PHIP: variants seen among roughly 807,000 people sequenced by gnomAD.
PHIP encodes PH-interacting protein.
In PHIP, 54 loss-of-function variants were observed where a neutral mutation model predicts 236.8. The ratio of observed to expected loss-of-function variants is 0.23; its 90% CI spans 0.18 to 0.29. PHIP has a LOEUF of 0.29. Among genes scored for constraint, PHIP ranks in the 10% least tolerant of loss-of-function variants. The probability of loss-of-function intolerance (pLI) is 1.00; values close to 1 mark genes in which losing one functional copy is unlikely to be tolerated. For synonymous variants in PHIP, 756 were observed against 718.9 expected (o/e 1.05, Z -0.83); for missense variants, 1,370 against 2,190.8 (o/e 0.63, Z 7.48).
At chr6:78,952,287 C>T (rs1212811541) in intron 35 of PHIP, among the ~76,000 whole-genome samples, 1 of 151,862 alleles carries the variant, frequency 6.6e-6, no homozygotes, top group Non-Finnish European at 1.5e-5. Flanking sequence ...GGCGTGGTGG[C>T]ATGCGCCTAT....
chr6:79,018,786 A>C (rs1770966458), intron 10 of PHIP, among the ~76,000 whole-genome samples: 1 of 152,018 alleles, frequency 6.6e-6, no homozygotes, highest in South Asian at 2.1e-4. Flanking sequence ...CTTACAATGA[A>C]ACAACTATTT....
At chr6:78,980,480 G>A (rs1251910576) in intron 23 of PHIP, among the ~76,000 whole-genome samples, 1 of 151,906 alleles carries the variant, frequency 6.6e-6, no homozygotes, top group Non-Finnish European at 1.5e-5. Flanking sequence ...AGAAAAAGAG[G>A]AATCAAAGAT....
Position 78,977,520 on chromosome 6 carries a change from T to TA in PHIP, c.2889+1071dup, listed in dbSNP as rs1251280298. ...TACACATGTACCCTAAAACTTAAAT[T>TA]AAAAAAATACCATTATTGCTCCAGT... On this transcript the variant is annotated intron_variant, in intron 24 of 39. Transcript: ENST00000275034. Among the ~76,000 whole-genome samples the TA allele has an allele frequency of 7.2e-5, 11 of 152,034 alleles. No homozygotes were observed. The South Asian group carries it at 1.2e-3, about 17-fold the overall frequency.
At chr6:79,034,190 C>A (rs1771814203) in intron 7 of PHIP, among the ~76,000 whole-genome samples, 1 of 152,128 alleles carries the variant, frequency 6.6e-6, no homozygotes, top group African/African-American at 2.4e-5. Flanking sequence ...TTGCTTTACT[C>A]AGGGTTTTCA....
At chr6:78,961,899 C>A in intron 30 of PHIP, 89 bp from the exon 31 acceptor site, 1 of 990,492 alleles carries the variant, frequency 1.0e-6, no homozygotes, top group Non-Finnish European at 1.5e-6. Flanking sequence ...CTTAAAAAGT[C>A]CTAATCTACA....
Position 79,008,402 on chromosome 6 carries a change from C to T in PHIP, c.1525-4544G>A, listed in dbSNP as rs558410270. ...TATAAAAGTGATTCTGAAAAATCAG[C>T]TCTAGATTTTCATCAAAAGAAAAAT... On this transcript the variant is annotated intron_variant, in intron 15 of 39. Coordinates refer to ENST00000275034, the MANE Select transcript of PHIP (RefSeq NM_017934.7). Among the ~76,000 whole-genome samples the T allele has an allele frequency of 9.2e-5, 14 of 151,894 alleles. No homozygotes were observed. In the South Asian group the frequency reaches 2.7e-3, roughly 29 times the overall value.
chr6:78,965,689 T>TAAC lies in PHIP; in HGVS notation c.3379+11_3379+13dup. 6.9e-7 allele frequency: 1 copy of TAAC among 1,452,378 alleles called. No individual in the cohort carries two copies. The highest frequency in any genetic ancestry group is 9.6e-7 in the Non-Finnish European group (1 of 1,046,082). 90.0% of individuals were successfully genotyped at this position (1,452,378 alleles called of 1,614,324 possible). ...CTCCATAATGGAGAAACAAAAAGCCTAACACACACTTACCATTATTAGGTA... is the reference window on the plus strand; with the variant it reads ...CTCCATAATGGAGAAACAAAAAGCCTAACAACACACACTTACCATTATTAGGTA... On this transcript the variant is annotated intron_variant, in intron 29 of 39. Coordinates refer to ENST00000275034, the MANE Select transcript of PHIP (RefSeq NM_017934.7).
In PHIP at chr6:78,937,964, GT is replaced by G. The variant is rs1228394825; in HGVS notation, c.*2728del. ...TCTGAACTTTCAGTAAATTGGAGAT[GT>G]TTTTATTGCTTACCTAAGACAACTG... On this transcript the variant is annotated 3_prime_UTR_variant, in exon 40 of 40. Transcript: ENST00000275034. 6.6e-6 allele frequency: 1 copy of G among 151,554 alleles called. No homozygotes were observed. Among genetic ancestry groups the G allele is most frequent in the Non-Finnish European group, 1.5e-5 (1 of 67,594 alleles). 9.4% of individuals were successfully genotyped at this position (151,554 alleles called of 1,614,324 possible).
intron 4 of PHIP, among the ~76,000 whole-genome samples, chr6:79,063,448 C>G (rs1007594513): frequency 1.3e-5 from 2 of 152,084 alleles, no homozygotes; most frequent in Non-Finnish European, 1.5e-5. Flanking sequence ...ACGGAGTCTC[C>G]CTCTGTCACC....
At chr6:78,998,160 T>G (rs1170105583) in intron 18 of PHIP, 94 bp downstream of exon 18, 2 of 858,482 alleles carry the variant, frequency 2.3e-6, no homozygotes, top group African/African-American at 1.7e-5. Flanking sequence ...ATTTTACGGA[T>G]GTACCATAAT....
intron 15 of PHIP, among the ~76,000 whole-genome samples, chr6:79,004,713 C>A (rs549660169): frequency 6.6e-5 from 10 of 152,140 alleles, no homozygotes; most frequent in Admixed American, 4.6e-4. Context: ...GTAAGAAATA[C>A]CTCCTTTCTG....
At chr6:79,037,055 A>C (rs1771975723) in intron 7 of PHIP, among the ~76,000 whole-genome samples, 1 of 152,144 alleles carries the variant, frequency 6.6e-6, no homozygotes. Flanking sequence ...TGATAACACT[A>C]CCAATAACAA....
intron 7 of PHIP, among the ~76,000 whole-genome samples, chr6:79,027,048 C>T (rs1771441352): frequency 6.6e-6 from 1 of 152,026 alleles, no homozygotes; most frequent in African/African-American, 2.4e-5. Flanking sequence ...TGTTAGAATG[C>T]TTAACGACCT....
chr6:79,054,345 A>AG (rs1772961343), intron 6 of PHIP, among the ~76,000 whole-genome samples: 1 of 151,118 alleles, frequency 6.6e-6, no homozygotes, highest in South Asian at 2.1e-4. Flanking sequence ...ATTAAACCAA[A>AG]AAAAAAAAAG....
At chr6:79,054,754 T>C (rs916543660) in intron 6 of PHIP, among the ~76,000 whole-genome samples, 2 of 151,554 alleles carry the variant, frequency 1.3e-5, no homozygotes, top group Non-Finnish European at 2.9e-5. Flanking sequence ...ATTGAATAAA[T>C]TTAAGAAATT....
At chr6:79,020,743 G>A (rs1771078386) in intron 9 of PHIP, among the ~76,000 whole-genome samples, 1 of 152,180 alleles carries the variant, frequency 6.6e-6, no homozygotes, top group South Asian at 2.1e-4. Context: ...AGATTTGTGG[G>A]TTTTTTGGTT....
rs1227573658 is a variant in PHIP, at chr6:78,998,280, A to G, written c.1991T>C (p.Ile664Thr). ...TCTACTTAAACGGCTGGTATTACTGATAACTGCTTCACCAGAACGTCTCAG... is the reference window on the plus strand; with the variant it reads ...TCTACTTAAACGGCTGGTATTACTGGTAACTGCTTCACCAGAACGTCTCAG... ...QDLRRSGEAVISNTSRLSRGS... is the reference protein window; with the variant it reads ...QDLRRSGEAVTSNTSRLSRGS... Residue 664 changes from isoleucine (I) to threonine (T), a missense_variant, in exon 18 of 40, where the codon ATC becomes ACC. Transcript: ENST00000275034. The G allele has an allele frequency of 6.2e-7, 1 of 1,611,522 alleles. No individual in the cohort carries two copies. Among genetic ancestry groups the G allele is most frequent in the East Asian group, 2.2e-5 (1 of 44,830 alleles).
chr6:79,021,376 G>A (rs1385965920), intron 9 of PHIP, among the ~76,000 whole-genome samples: 2 of 152,154 alleles, frequency 1.3e-5, no homozygotes, highest in Non-Finnish European at 2.9e-5. Context: ...TCAAACTCCT[G>A]ACCTCAGGTC....
At chr6:78,986,852 A>G (rs1768898625) in intron 21 of PHIP, among the ~76,000 whole-genome samples, 1 of 152,222 alleles carries the variant, frequency 6.6e-6, no homozygotes, top group African/African-American at 2.4e-5. Flanking sequence ...TTTTATTAAC[A>G]AATTTAATCA....
Sources: gnomAD v4.1 joint callset for allele counts (sites outside exome capture counted in the v4.1 genomes callset) on GRCh38, gnomAD v4.1.1 for gene constraint, MANE v1.5 for transcripts, NCBI Gene and HGNC (gene_info 2026-07-23, HGNC 2026-07-21) for gene names.